TMEM268: variants seen among roughly 807,000 people sequenced by gnomAD.
The protein encoded by TMEM268 is transmembrane protein C9orf91.
Under a neutral mutation model 39.1 loss-of-function variants are expected in TMEM268, and 24 were observed. The observed-to-expected ratio is 0.61, with a 90% confidence interval of 0.44 to 0.86. The LOEUF (loss-of-function observed/expected upper bound fraction) is 0.86. Ranked by LOEUF, TMEM268 falls within the 40% of genes least tolerant of loss-of-function variation. The probability of loss-of-function intolerance (pLI) is 0.00; values close to 1 mark genes in which losing one functional copy is unlikely to be tolerated. For synonymous variants in TMEM268, 176 were observed against 173.5 expected, an observed-to-expected ratio of 1.01 and a Z score of -0.12; for missense variants, 409 against 428.6, an observed-to-expected ratio of 0.95 and a Z score of 0.40.
chr9:114,611,768 G>C (rs1163098423), intron 1 of TMEM268, among the ~76,000 whole-genome samples: 1 of 152,162 alleles, frequency 6.6e-6, no homozygotes, highest in African/African-American at 2.4e-5. Context: ...CCGTGGGAGC[G>C]GCTCTGACAA....
At chr9:114,633,207 G>A (rs912500143) in intron 5 of TMEM268, among the ~76,000 whole-genome samples, 1 of 151,326 alleles carries the variant, frequency 6.6e-6, no homozygotes, top group African/African-American at 2.4e-5. Flanking sequence ...TGTTGCCCAG[G>A]CTGGAGTGCA....
In TMEM268 at chr9:114,628,220, T is replaced by G. The variant is rs1256379896; in HGVS notation, c.444T>G (p.Leu148=). The G allele has an allele frequency of 1.9e-6, 3 of 1,614,106 alleles. No homozygotes were observed. In the East Asian group the frequency reaches 6.7e-5, roughly 36 times the overall value. ...CCGCGGTGAGCCTGACCTTGACTCT[T>G]GTGCTGGTCTTTGAAAGACACCAGA... ...TLAAVSLTLT[L]VLVFERHQKK... Residue 148 remains leucine, a synonymous_variant, in exon 5 of 9, where the codon CTT becomes CTG. Transcript: ENST00000288502.
At chr9:114,625,091 T>C (rs185560825) in intron 3 of TMEM268, among the ~76,000 whole-genome samples, 1 of 152,228 alleles carries the variant, frequency 6.6e-6, no homozygotes, top group Non-Finnish European at 1.5e-5. Context: ...GCTCCGATGC[T>C]CACTACCTGT....
At chr9:114,635,792 G>T (rs972429904) in intron 6 of TMEM268, among the ~76,000 whole-genome samples, 27 of 152,336 alleles carry the variant, frequency 1.8e-4, no homozygotes, top group African/African-American at 6.5e-4. Flanking sequence ...TCACTGGGGG[G>T]TGCAGTGGAG....
At chr9:114,613,892 G>T (rs1845602358) in intron 1 of TMEM268, among the ~76,000 whole-genome samples, 2 of 152,278 alleles carry the variant, frequency 1.3e-5, no homozygotes, top group South Asian at 4.1e-4. Flanking sequence ...CTGGCTCCAT[G>T]GCTGGTAGCA....
intron 1 of TMEM268, among the ~76,000 whole-genome samples, chr9:114,616,833 G>A (rs571768024): frequency 6.6e-6 from 1 of 152,176 alleles, no homozygotes; most frequent in Non-Finnish European, 1.5e-5. Context: ...GTGGGGCCTG[G>A]TCAGCTCTTG....
At position 114,645,881 on chromosome 9, in the gene TMEM268, C is replaced by G. The variant is rs1589368701; in HGVS notation, c.*2568C>G. The G allele has an allele frequency of 6.6e-6, 1 of 152,250 alleles. No homozygotes were observed. Among genetic ancestry groups the G allele is most frequent in the Admixed American group, 6.5e-5 (1 of 15,282 alleles). 9.4% of individuals were successfully genotyped at this position (152,250 alleles called of 1,614,324 possible). A position where few individuals can be genotyped will look rare whatever the true frequency, so the allele number is the denominator to read the frequency against. Reference sequence around the variant, plus strand: ...TATAAAATCCCTATGATCTCTGTCTCACCTACTTTACAGGGTTGCTGTGAA... The same window carrying G: ...TATAAAATCCCTATGATCTCTGTCTGACCTACTTTACAGGGTTGCTGTGAA... On this transcript the variant is annotated 3_prime_UTR_variant, in exon 9 of 9. Transcript: ENST00000288502.
chr9:114,643,012 C>A, intron 8 of TMEM268, 122 bp from the exon 9 acceptor site: 1 of 1,013,636 alleles, frequency 9.9e-7, no homozygotes, highest in Non-Finnish European at 1.5e-6. Context: ...CTGGTTCTTC[C>A]TAGAGAGCAT....
Position 114,633,989 on chromosome 9 carries a change from A to G in TMEM268, c.585+111A>G. 5 of 551,756 alleles carry G rather than the reference A, an allele frequency of 9.1e-6. No homozygotes were observed. In the South Asian group the frequency reaches 1.5e-4, roughly 16 times the overall value. The allele number at this position is 551,756 out of a possible 1,614,324, so 34.2% of individuals were successfully genotyped here. A position where few individuals can be genotyped will look rare whatever the true frequency, so the allele number is the denominator to read the frequency against. ...TACACAGTGTTTGCAGTAGTCTGCTAATGAGATGGCTGTTGGCAGCCCTTT... is the reference window on the plus strand; with the variant it reads ...TACACAGTGTTTGCAGTAGTCTGCTGATGAGATGGCTGTTGGCAGCCCTTT... On this transcript the variant is annotated intron_variant, in intron 6 of 8. Transcript: ENST00000288502.
At chr9:114,625,160 G>A (rs2133638822) in intron 3 of TMEM268, among the ~76,000 whole-genome samples, 1 of 152,208 alleles carries the variant, frequency 6.6e-6, no homozygotes, top group Non-Finnish European at 1.5e-5. Flanking sequence ...CTGTAAATGT[G>A]GATAATATTG....
At chr9:114,612,289 A>G (rs965505135) in intron 1 of TMEM268, among the ~76,000 whole-genome samples, 19 of 152,144 alleles carry the variant, frequency 1.2e-4, no homozygotes, top group African/African-American at 4.1e-4. Flanking sequence ...CGGGCTGAAA[A>G]AGAGGGGAGT....
intron 2 of TMEM268, chr9:114,622,032 G>A (rs1845966035): frequency 2.1e-6 from 2 of 962,758 alleles, no homozygotes; most frequent in Admixed American, 6.2e-5. Context: ...GGAGGCTACT[G>A]CAGAGGGCCA....
upstream of TMEM268, among the ~76,000 whole-genome samples, chr9:114,609,734 G>A (rs932776516): frequency 0.023 from 1,539 of 66,804 alleles, 26 homozygotes; most frequent in African/African-American, 0.097. Flanking sequence ...AGAAAAAGAA[G>A]GAAGGAAGGA....
At position 114,628,998 on chromosome 9, in the gene TMEM268, G is replaced by C. The variant is rs1846278806; in HGVS notation, c.474+748G>C. ...CATTAAATCCTTCGACATTAAATCT[G>C]GGTAGAGGCTGTTACACTCACTTTG... On this transcript the variant is annotated intron_variant, in intron 5 of 8. Coordinates refer to ENST00000288502, the MANE Select transcript of TMEM268 (RefSeq NM_153045.4). Among the ~76,000 whole-genome samples the C allele has an allele frequency of 2.0e-5, 3 of 152,306 alleles. No homozygotes were observed. In the South Asian group the frequency reaches 6.2e-4, roughly 32 times the overall value.
At chr9:114,640,881 CTT>C (rs113630605) in intron 8 of TMEM268, among the ~76,000 whole-genome samples, 2 of 146,816 alleles carry the variant, frequency 1.4e-5, no homozygotes, top group African/African-American at 2.5e-5. Flanking sequence ...CTCTCTCTCT[CTT>C]TTTTTTTTTC....
Position 114,643,194 on chromosome 9 carries a change from T to C in TMEM268, c.910T>C (p.Ser304Pro). 1 of 1,614,176 alleles carries C rather than the reference T, an allele frequency of 6.2e-7. No individual in the cohort carries two copies. The highest frequency in any genetic ancestry group is 8.5e-7 in the Non-Finnish European group (1 of 1,180,012). ...GGYYIRLLVT[S>P]QLPQAMGTRH... ...CTACTACATCCGGCTTCTAGTGACC[T>C]CCCAGCTCCCTCAGGCAATGGGGAC... is the stretch of plus-strand genomic sequence containing the variant. Residue 304 changes from serine to proline, a missense_variant, in exon 9 of 9, where the codon TCC (serine) becomes CCC (proline). Physicochemically the swap from Ser to Pro is moderately conservative, Grantham distance 74. Coordinates refer to ENST00000288502, the MANE Select transcript of TMEM268 (RefSeq NM_153045.4).
the TMEM268 span, among the ~76,000 whole-genome samples, chr9:114,605,905 TG>T: frequency 2.0e-5 from 3 of 151,926 alleles, no homozygotes; most frequent in Admixed American, 2.0e-4. Context: ...CACTCCTGCC[TG>T]GGTAACAAAG....
At chr9:114,638,238 C>A (rs574775059) in intron 7 of TMEM268, among the ~76,000 whole-genome samples, 2 of 152,288 alleles carry the variant, frequency 1.3e-5, no homozygotes, top group South Asian at 4.1e-4. Flanking sequence ...GACTGGGTTT[C>A]ACCATATTGG....
intron 1 of TMEM268, among the ~76,000 whole-genome samples, chr9:114,612,279 C>A (rs576738156): frequency 6.6e-6 from 1 of 152,206 alleles, no homozygotes; most frequent in East Asian, 1.9e-4. Context: ...ATGCTCTCTA[C>A]GGGCTGAAAA....
Sources: allele counts gnomAD v4.1 joint callset (sites outside exome capture counted in the v4.1 genomes callset), GRCh38; gene constraint gnomAD v4.1.1; transcripts MANE v1.5; gene names NCBI Gene and HGNC (gene_info 2026-07-23, HGNC 2026-07-21).